Variants in CEP112 observed in about 807,000 individuals in gnomAD.
CEP112 encodes centrosomal protein 112, also known as centrosomal protein of 112 kDa.
A neutral mutation model predicts 153.0 loss-of-function variants in CEP112; 127 were observed. The ratio of observed to expected loss-of-function variants is 0.83; its 90% CI spans 0.72 to 0.96. The LOEUF is 0.96. Ranked by LOEUF, CEP112 falls within the 40% of genes least tolerant of loss-of-function variation. The pLI, the probability that CEP112 is intolerant of heterozygous loss-of-function variation, is 0.00. For missense variants in CEP112, 1,089 were observed against 1,101.2 expected (o/e 0.99, Z 0.16); for synonymous variants, 358 against 374.4 (o/e 0.96, Z 0.51).
chr17:65,853,448 C>T (rs576807667), intron 20 of CEP112, among the ~76,000 whole-genome samples: 116 of 152,110 alleles, frequency 7.6e-4, no homozygotes, highest in African/African-American at 2.6e-3. Flanking sequence ...ATTCTATTTC[C>T]GGCCAGGCGC....
chr17:66,099,074 G>A (rs985276101), intron 6 of CEP112, among the ~76,000 whole-genome samples: 7 of 152,150 alleles, frequency 4.6e-5, no homozygotes, highest in Admixed American at 1.3e-4. Context: ...GAACCAGAAA[G>A]GCAGTTCTAG....
chr17:65,841,099 C>CA (rs2057499754), intron 21 of CEP112, among the ~76,000 whole-genome samples: 1 of 151,960 alleles, frequency 6.6e-6, no homozygotes, highest in Non-Finnish European at 1.5e-5. Flanking sequence ...AAAGGTTCCT[C>CA]AAAAAACTAA....
chr17:66,103,596 G>C lies in CEP112; in HGVS notation c.643-6964C>G, dbSNP rs188606032. Among the ~76,000 whole-genome samples the C allele has an allele frequency of 9.9e-5, 15 of 152,256 alleles. No individual in the cohort carries two copies. The East Asian group carries it at 2.9e-3, about 29-fold the overall frequency. On this transcript the variant is annotated intron_variant, in intron 6 of 26. Transcript: ENST00000535342. ...CAAAATGTTCAAATAGAAGCCTTTA[G>C]CAATTTTCCCCGCAGCATGAACATC...
At chr17:65,991,613 A>G (rs562066521) in intron 17 of CEP112, among the ~76,000 whole-genome samples, 1 of 152,258 alleles carries the variant, frequency 6.6e-6, no homozygotes, top group Non-Finnish European at 1.5e-5. Context: ...TGTTTTCTAA[A>G]CAGAATAAAA....
intron 16 of CEP112, among the ~76,000 whole-genome samples, chr17:66,013,868 G>C (rs1430175311): frequency 6.6e-6 from 1 of 152,178 alleles, no homozygotes; most frequent in East Asian, 1.9e-4. Context: ...CATTCACACT[G>C]GTGGGCAGTG....
At chr17:65,807,885 T>C (rs1428213272) in intron 21 of CEP112, among the ~76,000 whole-genome samples, 1 of 152,182 alleles carries the variant, frequency 6.6e-6, no homozygotes, top group Non-Finnish European at 1.5e-5. Context: ...GGAGCCCCCA[T>C]ACAGAGTCCC....
At chr17:66,121,376 G>A (rs796896309) in intron 6 of CEP112, among the ~76,000 whole-genome samples, 1 of 152,134 alleles carries the variant, frequency 6.6e-6, no homozygotes, top group African/African-American at 2.4e-5. Context: ...GAGCTTTTTG[G>A]ATGCGCAAAT....
At chr17:65,678,035 A>G (rs2047321923) in intron 24 of CEP112, among the ~76,000 whole-genome samples, 2 of 152,178 alleles carry the variant, frequency 1.3e-5, no homozygotes, top group African/African-American at 4.8e-5. Flanking sequence ...CTATAGTAAA[A>G]AAAAGGAACT....
intron 8 of CEP112, among the ~76,000 whole-genome samples, chr17:66,094,183 C>T (rs572489776): frequency 6.6e-6 from 1 of 152,250 alleles, no homozygotes; most frequent in South Asian, 2.1e-4. Context: ...CCTCAGCCTC[C>T]TGAGTAGCTG....
At chr17:65,935,132 C>CA (rs2061262947) in intron 18 of CEP112, among the ~76,000 whole-genome samples, 1 of 152,116 alleles carries the variant, frequency 6.6e-6, no homozygotes, top group Non-Finnish European at 1.5e-5. Context: ...CAGAGCCAAA[C>CA]CATATCATAG....
intron 21 of CEP112, among the ~76,000 whole-genome samples, chr17:65,756,608 G>A (rs1451993294): frequency 1.3e-5 from 2 of 151,978 alleles, no homozygotes; most frequent in African/African-American, 2.4e-5. Flanking sequence ...TGTTGTAGTG[G>A]GAGACATGAA....
intron 17 of CEP112, among the ~76,000 whole-genome samples, chr17:66,000,333 T>C (rs993844978): frequency 2.5e-5 from 3 of 117,938 alleles, no homozygotes; most frequent in African/African-American, 1.0e-4. Flanking sequence ...TTGAGCTTTT[T>C]TGCTTTTTTG....
chr17:65,864,736 C>T (rs1018815922), intron 20 of CEP112, among the ~76,000 whole-genome samples: 4 of 152,254 alleles, frequency 2.6e-5, no homozygotes, highest in African/African-American at 7.2e-5. Flanking sequence ...ACAACACCAC[C>T]GGCATCTTTA....
chr17:66,049,423 G>A (rs976161192), intron 12 of CEP112, among the ~76,000 whole-genome samples: 1 of 152,128 alleles, frequency 6.6e-6, no homozygotes, highest in Admixed American at 6.6e-5. Flanking sequence ...GAGAACAGAT[G>A]AACTAAGAAT....
chr17:65,825,399 G>A (rs935471963), intron 21 of CEP112, among the ~76,000 whole-genome samples: 1 of 152,130 alleles, frequency 6.6e-6, no homozygotes, highest in South Asian at 2.1e-4. Flanking sequence ...TAGCTCACCT[G>A]CCACTCACCT....
intron 21 of CEP112, among the ~76,000 whole-genome samples, chr17:65,784,994 T>A (rs2054204963): frequency 6.6e-6 from 1 of 152,132 alleles, no homozygotes; most frequent in Non-Finnish European, 1.5e-5. Flanking sequence ...CATTCTCCCA[T>A]CCTTTGAGCC....
At chr17:66,086,982 T>C (rs967158640) in intron 8 of CEP112, among the ~76,000 whole-genome samples, 2 of 152,110 alleles carry the variant, frequency 1.3e-5, no homozygotes, top group African/African-American at 2.4e-5. Context: ...GAGAAAAATA[T>C]GATAAAAAAA....
intron 20 of CEP112, among the ~76,000 whole-genome samples, chr17:65,890,879 T>C (rs1304143679): frequency 2.0e-5 from 3 of 152,200 alleles, no homozygotes; most frequent in African/African-American, 7.2e-5. Flanking sequence ...ACCAGGGTTA[T>C]TGTTACTGTG....
At chr17:65,890,544 ACTTTG>A (rs1423391803) in intron 20 of CEP112, among the ~76,000 whole-genome samples, 5 of 152,088 alleles carry the variant, frequency 3.3e-5, no homozygotes, top group Non-Finnish European at 5.9e-5. Context: ...ACTTTGTTGT[ACTTTG>A]CTGTAACTCT....
Sources: gnomAD v4.1 joint callset for allele counts (sites outside exome capture counted in the v4.1 genomes callset) on GRCh38, gnomAD v4.1.1 for gene constraint, MANE v1.5 for transcripts, NCBI Gene and HGNC (gene_info 2026-07-23, HGNC 2026-07-21) for gene names.